Variants in CHMP7 observed in about 807,000 individuals in gnomAD.
CHMP7 encodes charged multivesicular body protein 7.
Under a neutral mutation model 53.7 loss-of-function variants are expected in CHMP7, and 15 were observed. That is an observed-to-expected ratio of 0.28 (90% CI 0.19 to 0.43). The LOEUF is 0.43. CHMP7 is among the 20% of genes least tolerant of loss of function. The pLI is 1.00. For missense variants in CHMP7, 527 were observed against 569.4 expected (o/e 0.93, Z 0.76); for synonymous variants, 261 against 228.0 (o/e 1.14, Z -1.30).
rs1801890494 is a variant in CHMP7, at chr8:23,250,662, GTGTT to G, written c.471+1282_471+1285del. ...TGTGTGTGTGTGTGTGTGTGTGTGT[GTGTT>G]GACTGAGCACCTGGTGACCAAAGGA... On this transcript the variant is annotated intron_variant, in intron 3 of 10. Transcript: ENST00000397677. Among the ~76,000 whole-genome samples, 3 of 121,126 alleles carry G rather than the reference GTGTT, an allele frequency of 2.5e-5. No homozygotes were observed. The Admixed American group carries it at 2.7e-4, about 11-fold the overall frequency. 79.5% of individuals were successfully genotyped at this position (121,126 alleles called of 152,430 possible).
At chr8:23,254,457 C>T (rs1156913547) in intron 3 of CHMP7, among the ~76,000 whole-genome samples, 9 of 152,068 alleles carry the variant, frequency 5.9e-5, no homozygotes, top group East Asian at 1.9e-4. Context: ...TGCAGTGGCG[C>T]GATCTCGGCT....
chr8:23,260,271 C>A lies in CHMP7; in HGVS notation c.1248C>A (p.Ile416=), dbSNP rs1183029706. 1 of 1,614,084 alleles carries A rather than the reference C, an allele frequency of 6.2e-7. No homozygotes were observed. The highest frequency in any genetic ancestry group is 8.5e-7 in the Non-Finnish European group (1 of 1,180,046). Residue 416 remains isoleucine, a synonymous_variant, in exon 10 of 11, where the codon ATC becomes ATA. Transcript: ENST00000397677. ...HFTNSVPNPR[I]SDAELEAELE... is the part of the protein sequence containing the mutation. ...CCAACAGCGTGCCTAACCCTAGGAT[C>A]TCAGATGCTGAACTTGAAGCTGAAC...
In CHMP7 at chr8:23,259,850, C is replaced by T. The variant is rs748716772; in HGVS notation, c.1121-294C>T. ...CTGTGCTCATGACCCATCTGTGCTG[C>T]GGCATTCCTCATTCACAAGGCTTCT... On this transcript the variant is annotated intron_variant, in intron 9 of 10. Coordinates refer to ENST00000397677, the MANE Select transcript of CHMP7 (RefSeq NM_152272.5). 50 of 360,596 alleles carry T rather than the reference C, an allele frequency of 1.4e-4. 1 individual carries two copies. Among genetic ancestry groups the T allele is most frequent in the East Asian group, 7.2e-4 (12 of 16,632 alleles). 22.3% of individuals were successfully genotyped at this position (360,596 alleles called of 1,614,324 possible).
At chr8:23,252,082 A>AT (rs398112312) in intron 3 of CHMP7, among the ~76,000 whole-genome samples, 1 of 151,012 alleles carries the variant, frequency 6.6e-6, no homozygotes, top group Non-Finnish European at 1.5e-5. Context: ...GAAAAAAAAA[A>AT]TGATACGTCC....
In CHMP7 at chr8:23,252,195, C is replaced by CTTTTTTTTTTTTTTTTTTTTT. The variant is rs373288680; in HGVS notation, c.471+2828_471+2829insTTTTTTTTTTTTTTTTTTTTT. ...CCTTTCCTGTTTTGTATTGTGTTAT[C>CTTTTTTTTTTTTTTTTTTTTT]TTTTTTTTTTTTTTGAGATGGAGTT... On this transcript the variant is annotated intron_variant, in intron 3 of 10. Transcript: ENST00000397677. Among the ~76,000 whole-genome samples, 394 of 105,186 alleles carry CTTTTTTTTTTTTTTTTTTTTT rather than the reference C, an allele frequency of 3.7e-3. 35 individuals are homozygous for CTTTTTTTTTTTTTTTTTTTTT. The highest frequency in any genetic ancestry group is 6.2e-3 in the Non-Finnish European group (306 of 49,016). The allele number at this position is 105,186 out of a possible 152,430, so 69.0% of individuals were successfully genotyped here.
intron 3 of CHMP7, among the ~76,000 whole-genome samples, chr8:23,250,456 G>A (rs1044562480): frequency 6.6e-6 from 1 of 152,102 alleles, no homozygotes; most frequent in East Asian, 1.9e-4. Flanking sequence ...TCCGAACACC[G>A]ATTGTCTCTT....
chr8:23,252,011 C>T (rs1228184413), intron 3 of CHMP7, among the ~76,000 whole-genome samples: 2 of 151,960 alleles, frequency 1.3e-5, no homozygotes, highest in South Asian at 2.1e-4. Flanking sequence ...GGAGTCCAGT[C>T]TCCCCACATC....
intron 10 of CHMP7, 40 bp from the exon 11 acceptor site, chr8:23,260,498 T>A: frequency 6.2e-7 from 1 of 1,600,718 alleles, no homozygotes; most frequent in Non-Finnish European, 8.6e-7. Context: ...ATCTTCAAGA[T>A]TTTCCTGTTA....
chr8:23,261,169 A>C lies in CHMP7; in HGVS notation c.*570A>C, dbSNP rs1450496611. 6.5e-6 allele frequency: 1 copy of C among 153,690 alleles called. No homozygotes were observed. Among genetic ancestry groups the C allele is most frequent in the Non-Finnish European group, 1.4e-5 (1 of 69,156 alleles). 9.5% of individuals were successfully genotyped at this position (153,690 alleles called of 1,614,324 possible). ...AGGTTTTTCTCCAGGGTCATTTGAC[A>C]GAATTCTCCAGGTGTTCAGAGAAAG... On this transcript the variant is annotated 3_prime_UTR_variant, in exon 11 of 11. Coordinates refer to ENST00000397677, the MANE Select transcript of CHMP7 (RefSeq NM_152272.5).
intron 5 of CHMP7, among the ~76,000 whole-genome samples, chr8:23,257,711 C>T (rs774278813): frequency 3.9e-5 from 6 of 152,156 alleles, no homozygotes; most frequent in Non-Finnish European, 5.9e-5. Context: ...AGGATATGTC[C>T]GAGGTCATTG....
intron 9 of CHMP7, among the ~76,000 whole-genome samples, chr8:23,259,594 G>A (rs1315870940): frequency 3.3e-5 from 5 of 152,048 alleles, no homozygotes; most frequent in Admixed American, 6.5e-5. Context: ...TCCTGACCTC[G>A]TGATCCGCCG....
In CHMP7 at chr8:23,246,318, G is replaced by T. The variant is rs1801678936; in HGVS notation, c.-378G>T. The stretch of plus-strand genomic sequence containing the variant: ...GGCGCCCCTCTGCGGCTATTCCCCA[G>T]TTCCATTTTCTGAAGCCACAGGTCA... On this transcript the variant is annotated 5_prime_UTR_variant, in exon 2 of 11. Coordinates refer to ENST00000397677, the MANE Select transcript of CHMP7 (RefSeq NM_152272.5). 1 of 220,688 alleles carries T rather than the reference G, an allele frequency of 4.5e-6. No homozygotes were observed. The highest frequency in any genetic ancestry group is 9.1e-6 in the Non-Finnish European group (1 of 109,662). The allele number at this position is 220,688 out of a possible 1,614,324, so 13.7% of individuals were successfully genotyped here.
chr8:23,258,912 CG>C, intron 8 of CHMP7, 82 bp downstream of exon 8: 10 of 1,137,726 alleles, frequency 8.8e-6, no homozygotes, highest in East Asian at 2.3e-5. Flanking sequence ...TCCTCTTTAA[CG>C]AAACCTGACT....
intron 2 of CHMP7, chr8:23,247,973 A>T: frequency 7.3e-6 from 3 of 410,560 alleles, no homozygotes; most frequent in South Asian, 1.6e-5. Context: ...TCCCTTCTCT[A>T]CTTTTGTTCC....
chr8:23,247,979 G>C, intron 2 of CHMP7: 1 of 349,138 alleles, frequency 2.9e-6, no homozygotes, highest in South Asian at 2.1e-5. Flanking sequence ...CTCTACTTTT[G>C]TTCCCAGTAC....
intron 3 of CHMP7, among the ~76,000 whole-genome samples, chr8:23,251,062 G>A (rs932498685): frequency 3.9e-5 from 6 of 152,150 alleles, no homozygotes; most frequent in Admixed American, 3.9e-4. Flanking sequence ...GGATGGTTTG[G>A]GTGGTTCTGG....
At chr8:23,255,562 A>G (rs1802091820) in intron 4 of CHMP7, 130 bp downstream of exon 4, 1 of 749,180 alleles carries the variant, frequency 1.3e-6, no homozygotes, top group Non-Finnish European at 2.3e-6. Flanking sequence ...TCCAAAAATA[A>G]TAAGTGGAAA....
chr8:23,252,063 A>G (rs1299500730), intron 3 of CHMP7, among the ~76,000 whole-genome samples: 4 of 69,086 alleles, frequency 5.8e-5, no homozygotes, highest in African/African-American at 1.3e-4. Flanking sequence ...AATCTTACCA[A>G]CTTATTGGGA....
At chr8:23,253,694 C>CCAGT (rs1366414565) in intron 3 of CHMP7, among the ~76,000 whole-genome samples, 1 of 152,252 alleles carries the variant, frequency 6.6e-6, no homozygotes, top group African/African-American at 2.4e-5. Context: ...ATCACATCCA[C>CCAGT]CAGTCACTCA....
Sources: allele counts gnomAD v4.1 joint callset (sites outside exome capture counted in the v4.1 genomes callset), GRCh38; gene constraint gnomAD v4.1.1; transcripts MANE v1.5; gene names NCBI Gene and HGNC (gene_info 2026-07-23, HGNC 2026-07-21).